The following ARHGEF3 variants were observed in gnomAD, a reference collection of about 807,000 sequenced individuals.
ARHGEF3 encodes Rho guanine nucleotide exchange factor 3, also known as 59.8 kDA protein.
A neutral mutation model predicts 63.2 loss-of-function variants in ARHGEF3; 28 were observed. The observed-to-expected ratio is 0.44, with a 90% CI of 0.33 to 0.61. The LOEUF is 0.61. Among genes scored for constraint, ARHGEF3 ranks in the 20% least tolerant of loss-of-function variants. The probability of loss-of-function intolerance (pLI) is 0.03; values close to 1 mark genes in which losing one functional copy is unlikely to be tolerated. For synonymous variants in ARHGEF3, 266 were observed against 254.2 expected (o/e 1.05, Z -0.44); for missense variants, 533 against 659.3 (o/e 0.81, Z 2.10).
intron 4 of ARHGEF3, among the ~76,000 whole-genome samples, chr3:56,852,961 A>T (rs1331566907): frequency 6.6e-6 from 1 of 152,250 alleles, no homozygotes; most frequent in African/African-American, 2.4e-5. Context: ...AGGGCTAAAA[A>T]TAGCCAGAAA....
intron 4 of ARHGEF3, among the ~76,000 whole-genome samples, chr3:56,826,764 T>C (rs1446683661): frequency 1.3e-5 from 2 of 152,164 alleles, no homozygotes; most frequent in Non-Finnish European, 2.9e-5. Flanking sequence ...AGACTAAAGG[T>C]CTTCTAACTA....
At chr3:56,917,929 C>T (rs1380132378) in intron 3 of ARHGEF3, among the ~76,000 whole-genome samples, 1 of 152,196 alleles carries the variant, frequency 6.6e-6, no homozygotes, top group Admixed American at 6.5e-5. Context: ...GGAGCTAGCA[C>T]CTGGAAGCAC....
intron 3 of ARHGEF3, among the ~76,000 whole-genome samples, chr3:56,956,295 G>C (rs911841458): frequency 6.6e-6 from 1 of 151,618 alleles, no homozygotes; most frequent in Non-Finnish European, 1.5e-5. Context: ...TATTGAGACA[G>C]AGTCTTGCTG....
chr3:56,908,343 TA>T (rs1380250740), intron 3 of ARHGEF3, among the ~76,000 whole-genome samples: 5 of 152,232 alleles, frequency 3.3e-5, no homozygotes, highest in African/African-American at 1.2e-4. Flanking sequence ...GCTCTGTCTG[TA>T]ATCCACCTTC....
At chr3:56,744,922 T>A (rs936217548) in intron 7 of ARHGEF3, among the ~76,000 whole-genome samples, 2 of 152,218 alleles carry the variant, frequency 1.3e-5, no homozygotes, top group African/African-American at 4.8e-5. Context: ...AGACAGCAAC[T>A]GTAACACCAG....
intron 2 of ARHGEF3, chr3:57,007,397 T>A (rs1702510396): frequency 7.9e-7 from 1 of 1,270,600 alleles, no homozygotes; most frequent in African/African-American, 1.5e-5. Flanking sequence ...GAGGCTGAGC[T>A]GGAATTGATT....
At chr3:56,803,681 T>C (rs1000827460), upstream of ARHGEF3, among the ~76,000 whole-genome samples, 1 of 151,822 alleles carries the variant, frequency 6.6e-6, no homozygotes, top group Non-Finnish European at 1.5e-5. Context: ...TGCATGCCTG[T>C]AGTCTCAGCT....
At chr3:56,914,592 T>C (rs987565838) in intron 3 of ARHGEF3, among the ~76,000 whole-genome samples, 1 of 152,166 alleles carries the variant, frequency 6.6e-6, no homozygotes, top group Non-Finnish European at 1.5e-5. Flanking sequence ...CACAGAGAAA[T>C]TGAGTATTTG....
intron 4 of ARHGEF3, among the ~76,000 whole-genome samples, chr3:56,870,732 T>C (rs1321700230): frequency 2.0e-5 from 3 of 152,030 alleles, no homozygotes; most frequent in African/African-American, 7.2e-5. Context: ...TGGGGGCATA[T>C]GGGAATGCTC....
chr3:56,948,062 C>G (rs1311815724), intron 3 of ARHGEF3, among the ~76,000 whole-genome samples: 1 of 151,984 alleles, frequency 6.6e-6, no homozygotes, highest in Non-Finnish European at 1.5e-5. Flanking sequence ...CAGAAATTAA[C>G]ATGTTCTTTG....
intron 1 of ARHGEF3, among the ~76,000 whole-genome samples, chr3:56,787,663 T>C (rs1256213008): frequency 6.6e-6 from 1 of 151,986 alleles, no homozygotes; most frequent in East Asian, 1.9e-4. Context: ...CTACCTGCCT[T>C]GAAAACTTTC....
chr3:56,897,035 C>T (rs1456004360), intron 3 of ARHGEF3, among the ~76,000 whole-genome samples: 1 of 152,242 alleles, frequency 6.6e-6, no homozygotes, highest in Admixed American at 6.5e-5. Context: ...TTAGTGTCCA[C>T]TGACGATTTT....
chr3:56,992,734 C>T (rs1579040349), intron 2 of ARHGEF3, among the ~76,000 whole-genome samples: 1 of 152,232 alleles, frequency 6.6e-6, no homozygotes, highest in South Asian at 2.1e-4. Flanking sequence ...AACCCCAGCG[C>T]AGTCTGTGGC....
chr3:56,885,644 A>C (rs2040898832), intron 3 of ARHGEF3, among the ~76,000 whole-genome samples: 1 of 152,128 alleles, frequency 6.6e-6, no homozygotes, highest in African/African-American at 2.4e-5. Flanking sequence ...GCCAAGCCTC[A>C]TGAGTTCCCC....
chr3:56,804,360 G>A (rs148902869), upstream of ARHGEF3, among the ~76,000 whole-genome samples: 3 of 152,268 alleles, frequency 2.0e-5, no homozygotes, highest in Admixed American at 6.5e-5. Context: ...CCCTGTTTGC[G>A]TGCTCTTTGC....
intron 2 of ARHGEF3, among the ~76,000 whole-genome samples, chr3:56,997,161 G>A (rs1285101280): frequency 2.0e-5 from 3 of 152,036 alleles, no homozygotes; most frequent in Admixed American, 6.6e-5. Flanking sequence ...GCGATGCTTG[G>A]TTTCCACTGA....
intron 3 of ARHGEF3, among the ~76,000 whole-genome samples, chr3:56,956,522 C>T (rs7650541): frequency 0.52 from 79,796 of 152,014 alleles, 22,253 homozygotes; most frequent in East Asian, 0.65. Context: ...AAACCAGAGT[C>T]GTGCTTAAAA....
chr3:57,016,415 G>C (rs1703004890), intron 2 of ARHGEF3, among the ~76,000 whole-genome samples: 1 of 151,858 alleles, frequency 6.6e-6, no homozygotes, highest in African/African-American at 2.4e-5. Flanking sequence ...TGGGCGTGAT[G>C]GTGGGCGCCT....
intron 2 of ARHGEF3, among the ~76,000 whole-genome samples, chr3:56,761,864 A>C (rs778483197): frequency 2.0e-5 from 3 of 152,170 alleles, no homozygotes; most frequent in Non-Finnish European, 2.9e-5. Context: ...CCCAATATTT[A>C]ACCAATATCC....
Sources: gnomAD v4.1 joint callset for allele counts (sites outside exome capture counted in the v4.1 genomes callset) on GRCh38, gnomAD v4.1.1 for gene constraint, MANE v1.5 for transcripts, NCBI Gene and HGNC (gene_info 2026-07-23, HGNC 2026-07-21) for gene names.